NOL10: variants seen among roughly 807,000 people sequenced by gnomAD.
NOL10 encodes nucleolar protein 10.
Under a neutral mutation model 103.5 loss-of-function variants are expected in NOL10, and 58 were observed. That is an observed-to-expected ratio of 0.56 (90% confidence interval 0.45 to 0.70). The LOEUF (loss-of-function observed/expected upper bound fraction) is 0.70. Ranked by LOEUF, NOL10 falls within the 30% of genes least tolerant of loss-of-function variation. The pLI is 0.00. For missense variants in NOL10, 763 were observed against 807.3 expected (o/e 0.95, Z 0.67); for synonymous variants, 287 against 282.5 (o/e 1.02, Z -0.16).
At chr2:10,573,044 A>G (rs1309011947) in intron 20 of NOL10, among the ~76,000 whole-genome samples, 1 of 150,228 alleles carries the variant, frequency 6.7e-6, no homozygotes, top group Admixed American at 6.7e-5. Context: ...TGAAAATACA[A>G]ACTCCTGAAG....
chr2:10,577,529 AT>A (rs1339876791), intron 20 of NOL10, 106 bp downstream of exon 20: 13 of 802,278 alleles, frequency 1.6e-5, no homozygotes, highest in Non-Finnish European at 2.4e-5. Flanking sequence ...AGCTTCCTCA[AT>A]AGGGGAAAAG....
Position 10,667,226 on chromosome 2 carries a change from T to C in NOL10, c.583A>G (p.Thr195Ala). The change falls in exon 8 of 21, where the codon ACC (threonine) becomes GCC (alanine). Residue 195 changes from threonine (T) to alanine (A), a missense_variant. Coordinates refer to ENST00000381685, the MANE Select transcript of NOL10 (RefSeq NM_024894.4). ...AGTCAACATATGCTTACCTCTATGGTTCCTGTGGCAAACAAGCCATGCACT... is the reference window on the plus strand; with the variant it reads ...AGTCAACATATGCTTACCTCTATGGCTCCTGTGGCAAACAAGCCATGCACT... Reference protein sequence around the residue: ...NSVHGLFATGTIEGRVECWDP... With the variant: ...NSVHGLFATGAIEGRVECWDP... 2 of 1,582,894 alleles carry C rather than the reference T, an allele frequency of 1.3e-6. No homozygotes were observed. The highest frequency in any genetic ancestry group is 1.8e-5 in the Admixed American group (1 of 56,104).
chr2:10,685,520 G>T (rs371874945), intron 1 of NOL10, among the ~76,000 whole-genome samples: 1 of 112,804 alleles, frequency 8.9e-6, no homozygotes, highest in East Asian at 2.7e-4. Flanking sequence ...CAAAAAAAAA[G>T]AAAAAAACAG....
At chr2:10,670,663 A>G (rs1160245212) in intron 6 of NOL10, among the ~76,000 whole-genome samples, 1 of 152,158 alleles carries the variant, frequency 6.6e-6, no homozygotes, top group Non-Finnish European at 1.5e-5. Flanking sequence ...TGAACCTGGG[A>G]GGCAGAGGTT....
At chr2:10,638,726 C>T (rs952591029) in intron 13 of NOL10, among the ~76,000 whole-genome samples, 4 of 147,930 alleles carry the variant, frequency 2.7e-5, no homozygotes, top group African/African-American at 5.0e-5. Context: ...CTCCTGAACT[C>T]GTGATCCGCC....
intron 13 of NOL10, among the ~76,000 whole-genome samples, chr2:10,629,024 C>T (rs965104029): frequency 2.6e-5 from 4 of 152,040 alleles, no homozygotes; most frequent in East Asian, 3.9e-4. Context: ...CCCCCCAGAG[C>T]GAATGGACAG....
At chr2:10,687,626 T>G (rs1036100639) in intron 1 of NOL10, among the ~76,000 whole-genome samples, 1 of 152,194 alleles carries the variant, frequency 6.6e-6, no homozygotes, top group Non-Finnish European at 1.5e-5. Flanking sequence ...AACATCTCCA[T>G]TTGGTATGTA....
At chr2:10,631,717 GTTTTT>G (rs35958352) in intron 13 of NOL10, among the ~76,000 whole-genome samples, 1 of 141,782 alleles carries the variant, frequency 7.1e-6, no homozygotes, top group African/African-American at 2.6e-5. Flanking sequence ...TGTTCTCCCT[GTTTTT>G]TTTTTTTTTT....
Position 10,684,580 on chromosome 2 carries a change from C to T in NOL10, c.99G>A (p.Gln33=). Residue 33 remains glutamine (Q), a synonymous_variant, in exon 2 of 21, where the codon CAG becomes CAA. Coordinates refer to ENST00000381685, the MANE Select transcript of NOL10 (RefSeq NM_024894.4). ...AACAATACTCACCTACATCTTTCTT[C>T]TGTAGCGCTCTCTTCTTCCTATCAG... is the stretch of plus-strand genomic sequence containing the variant. ...WLSDRKKRAL[Q]KKDVDVRRRI... is the part of the protein sequence containing the mutation. 6.4e-7 allele frequency: 1 copy of T among 1,574,782 alleles called. No individual in the cohort carries two copies.
intron 14 of NOL10, among the ~76,000 whole-genome samples, chr2:10,606,272 T>C (rs998300526): frequency 1.3e-5 from 2 of 151,364 alleles, no homozygotes; most frequent in Non-Finnish European, 2.9e-5. Context: ...GGAATCATAA[T>C]AGTACCCAAT....
chr2:10,689,838 C>T lies in NOL10; in HGVS notation c.24G>A (p.Glu8=), dbSNP rs1251734380. 7 of 1,607,590 alleles carry T rather than the reference C, an allele frequency of 4.4e-6. No individual in the cohort carries two copies. The highest frequency in any genetic ancestry group is 5.9e-6 in the Non-Finnish European group (7 of 1,177,266). Residue 8 remains glutamate (E), a synonymous_variant, in exon 1 of 21, where the codon GAG becomes GAA. Coordinates refer to ENST00000381685, the MANE Select transcript of NOL10 (RefSeq NM_024894.4). ...CGCAGCTGAGGCTGTAAATCTTCAC[C>T]TCATTGAGGCTGGAGACCTGCATGG... MQVSSLN[E]VKIYSLSCGK... is the part of the protein sequence containing the mutation.
intron 17 of NOL10, among the ~76,000 whole-genome samples, chr2:10,590,519 T>C (rs960162722): frequency 4.6e-5 from 7 of 152,214 alleles, no homozygotes; most frequent in Non-Finnish European, 1.0e-4. Flanking sequence ...CATGGTGGGA[T>C]GCAGGAAGCT....
intron 10 of NOL10, among the ~76,000 whole-genome samples, chr2:10,658,224 T>C (rs1251500776): frequency 6.6e-6 from 1 of 152,118 alleles, no homozygotes; most frequent in African/African-American, 2.4e-5. Context: ...TAGCAACAGA[T>C]ATAAACAAAA....
At chr2:10,683,881 T>A (rs1681956533) in intron 2 of NOL10, among the ~76,000 whole-genome samples, 1 of 152,192 alleles carries the variant, frequency 6.6e-6, no homozygotes, top group Admixed American at 6.5e-5. Flanking sequence ...GCGTCTACTA[T>A]TGTTATCCAT....
rs1399767956 is a variant in NOL10 at position 10,587,202 on chromosome 2, T to C, written c.1844+1841A>G. On this transcript the variant is annotated intron_variant, in intron 19 of 20. Transcript: ENST00000381685. ...ATACACATATATATACACATATATA[T>C]ACACATATATATATACATATATATA... Among the ~76,000 whole-genome samples the C allele has an allele frequency of 1.0e-4, 3 of 29,574 alleles. 1 individual carries two copies. The highest frequency in any genetic ancestry group is 3.6e-4 in the African/African-American group (2 of 5,610). 19.4% of individuals were successfully genotyped at this position (29,574 alleles called of 152,430 possible).
intron 13 of NOL10, among the ~76,000 whole-genome samples, chr2:10,637,464 A>G (rs1286582636): frequency 6.6e-6 from 1 of 152,224 alleles, no homozygotes; most frequent in East Asian, 1.9e-4. Context: ...TTACAGGTGC[A>G]GGAGCACAGA....
intron 13 of NOL10, among the ~76,000 whole-genome samples, chr2:10,615,944 G>A (rs765009210): frequency 1.3e-5 from 2 of 152,106 alleles, no homozygotes; most frequent in Non-Finnish European, 2.9e-5. Context: ...TTGAGCTGTG[G>A]GGCTAAAGTC....
At chr2:10,674,589 C>G (rs921343981) in intron 4 of NOL10, among the ~76,000 whole-genome samples, 1 of 152,164 alleles carries the variant, frequency 6.6e-6, no homozygotes, top group African/African-American at 2.4e-5. Context: ...CCTGTAATCC[C>G]AGCACTTTGG....
At chr2:10,631,904 G>C (rs193004106) in intron 13 of NOL10, among the ~76,000 whole-genome samples, 7 of 152,058 alleles carry the variant, frequency 4.6e-5, no homozygotes, top group Non-Finnish European at 2.9e-5. Flanking sequence ...AGTAGAGACG[G>C]GGTTTCTCCA....
Sources: gnomAD v4.1 joint callset for allele counts (sites outside exome capture counted in the v4.1 genomes callset) on GRCh38, gnomAD v4.1.1 for gene constraint, MANE v1.5 for transcripts, NCBI Gene and HGNC (gene_info 2026-07-23, HGNC 2026-07-21) for gene names.